MAP4: variants seen among roughly 807,000 people sequenced by gnomAD.
The protein encoded by MAP4 is microtubule associated protein 4, also known as microtubule-associated protein 4.
MAP4 carries 76 observed loss-of-function variants against 170.2 expected under a neutral mutation model. The ratio of observed to expected loss-of-function variants is 0.45; its 90% CI spans 0.37 to 0.54. The LOEUF (loss-of-function observed/expected upper bound fraction) is 0.54. Ranked by LOEUF, MAP4 falls within the 20% of genes least tolerant of loss-of-function variation. The pLI is 0.00. For synonymous variants in MAP4, 909 were observed against 994.5 expected (o/e 0.91, Z 1.62); for missense variants, 2,506 against 2,748.0 (o/e 0.91, Z 1.97).
intron 1 of MAP4, among the ~76,000 whole-genome samples, chr3:48,057,319 T>G (rs1481529968): frequency 1.5e-5 from 2 of 134,874 alleles, no homozygotes; most frequent in African/African-American, 2.8e-5. Flanking sequence ...CCCCCAACCC[T>G]GTGCTCTCTG....
chr3:47,880,316 G>T (rs1381474277), intron 10 of MAP4, among the ~76,000 whole-genome samples: 1 of 136,196 alleles, frequency 7.3e-6, no homozygotes, highest in African/African-American at 2.8e-5. Context: ...CACCATGTTA[G>T]CCAGGATGGT....
intron 10 of MAP4, among the ~76,000 whole-genome samples, chr3:47,889,321 A>AAG (rs1325498243): frequency 6.6e-6 from 1 of 152,206 alleles, no homozygotes; most frequent in African/African-American, 2.4e-5. Flanking sequence ...CCTTGCCTGG[A>AAG]AGGCTTTCCC....
intron 1 of MAP4, among the ~76,000 whole-genome samples, chr3:48,058,857 G>A (rs2154556408): frequency 6.6e-6 from 1 of 152,234 alleles, no homozygotes; most frequent in Non-Finnish European, 1.5e-5. Flanking sequence ...TCGGCTCACT[G>A]CAACCTCCAC....
intron 5 of MAP4, among the ~76,000 whole-genome samples, chr3:47,920,195 T>C (rs1299369743): frequency 6.6e-6 from 1 of 152,216 alleles, no homozygotes; most frequent in Non-Finnish European, 1.5e-5. Context: ...GGTCTCGAAC[T>C]CCTGACCTCA....
rs549230371 is a variant in MAP4 at position 47,985,551 on chromosome 3, T to C, written c.224-7618A>G. Among the ~76,000 whole-genome samples, 15 of 152,328 alleles carry C rather than the reference T, an allele frequency of 9.8e-5. No homozygotes were observed. In the Middle Eastern group the frequency reaches 0.017, roughly 173 times the overall value. Reference sequence around the variant, plus strand: ...CCAATAATGTGATTTAGTGACATCATGTGCTTCCTGATGTGGTGCACTTAG... The same window carrying C: ...CCAATAATGTGATTTAGTGACATCACGTGCTTCCTGATGTGGTGCACTTAG... On this transcript the variant is annotated intron_variant, in intron 2 of 20. Transcript: ENST00000683076.
intron 17 of MAP4, among the ~76,000 whole-genome samples, chr3:47,862,562 C>G (rs572619486): frequency 1.6e-4 from 24 of 152,184 alleles, no homozygotes; most frequent in African/African-American, 5.8e-4. Flanking sequence ...ACTGCAACCT[C>G]TGCCTCCCGG....
At chr3:47,959,162 A>T (rs1046126970) in intron 3 of MAP4, among the ~76,000 whole-genome samples, 2 of 152,162 alleles carry the variant, frequency 1.3e-5, no homozygotes, top group African/African-American at 2.4e-5. Flanking sequence ...AAGCACTTTT[A>T]AAAATGTATA....
At position 47,860,927 on chromosome 3, in the gene MAP4, TA is replaced by T. The variant is rs567357443; in HGVS notation, c.6502-3416del. ...GCTTACCCATCAAGGAAATTACCAG[TA>T]AAAAAAAGAATGAGCCAGGCACAGT... On this transcript the variant is annotated intron_variant, in intron 17 of 20. Transcript: ENST00000683076. Among the ~76,000 whole-genome samples, 122 of 151,950 alleles carry T rather than the reference TA, an allele frequency of 8.0e-4. 3 individuals carry two copies. In the South Asian group the frequency reaches 0.024, roughly 30 times the overall value.
chr3:47,941,152 T>C (rs1295346469), intron 3 of MAP4, among the ~76,000 whole-genome samples: 4 of 134,184 alleles, frequency 3.0e-5, no homozygotes, highest in Admixed American at 9.0e-5. Context: ...GTCCTGGGAT[T>C]ACAGCGCCTG....
At chr3:48,017,718 C>A (rs192769901), upstream of MAP4, among the ~76,000 whole-genome samples, 4 of 152,158 alleles carry the variant, frequency 2.6e-5, no homozygotes, top group African/African-American at 7.2e-5. Flanking sequence ...GTCTTGAAAT[C>A]AAGGTCCACA....
chr3:47,885,224 T>C (rs1434944953), intron 10 of MAP4, among the ~76,000 whole-genome samples: 1 of 152,154 alleles, frequency 6.6e-6, no homozygotes, highest in African/African-American at 2.4e-5. Flanking sequence ...CAGGGATATG[T>C]AGGAGACAAA....
chr3:48,048,482 C>G (rs573676980), intron 1 of MAP4, among the ~76,000 whole-genome samples: 1 of 148,284 alleles, frequency 6.7e-6, no homozygotes, highest in East Asian at 2.0e-4. Flanking sequence ...ACTTTATCAT[C>G]AGGTAGATCC....
chr3:47,857,450 A>G lies in MAP4; in HGVS notation c.6564T>C (p.Ala2188=). ...ACTCACCAGGCTTGTGCTTGATGTT[A>G]GCCTTAGACCCACACTTGGAGGAGA... ...SKVSSKCGSK[A]NIKHKPGGGD... Residue 2188 remains alanine, a synonymous_variant, in exon 18 of 21, where the codon GCT becomes GCC. Coordinates refer to ENST00000683076, the MANE Select transcript of MAP4 (RefSeq NM_001385682.1). 6.2e-7 allele frequency: 1 copy of G among 1,614,076 alleles called. No individual in the cohort carries two copies. The highest frequency in any genetic ancestry group is 8.5e-7 in the Non-Finnish European group (1 of 1,179,964).
At position 47,952,669 on chromosome 3, in the gene MAP4, T is replaced by A. The variant is rs191483626; in HGVS notation, c.293-24319A>T. Reference sequence around the variant, plus strand: ...ATAAATAAATAAATTAAAAAAAAAATAAAAATAAAAATAAAAATAAAAAAT... The same window carrying A: ...ATAAATAAATAAATTAAAAAAAAAAAAAAAATAAAAATAAAAATAAAAAAT... On this transcript the variant is annotated intron_variant, in intron 3 of 20. Transcript: ENST00000683076. 2.0e-3 allele frequency among the ~76,000 whole-genome samples: 297 copies of A among 149,732 alleles called. 1 individual carries two copies. Among genetic ancestry groups the A allele is most frequent in the African/African-American group, 3.5e-3 (144 of 40,940 alleles).
At chr3:47,959,823 G>A (rs531342438) in intron 3 of MAP4, among the ~76,000 whole-genome samples, 43 of 151,714 alleles carry the variant, frequency 2.8e-4, no homozygotes, top group African/African-American at 9.4e-4. Flanking sequence ...TAAATGTAGC[G>A]CTGTAAGATA....
chr3:47,873,797 T>C (rs1476447564), intron 12 of MAP4, among the ~76,000 whole-genome samples: 1 of 152,204 alleles, frequency 6.6e-6, no homozygotes, highest in Non-Finnish European at 1.5e-5. Context: ...TCTTATTATT[T>C]TGCCATGAGG....
At chr3:47,942,013 T>C (rs1350490940) in intron 3 of MAP4, among the ~76,000 whole-genome samples, 1 of 152,200 alleles carries the variant, frequency 6.6e-6, no homozygotes, top group African/African-American at 2.4e-5. Context: ...GTCTCTAAAC[T>C]CCTTTACAGT....
chr3:48,073,283 ACACACAC>A (rs1360984271), intron 1 of MAP4, among the ~76,000 whole-genome samples: 2 of 150,580 alleles, frequency 1.3e-5, no homozygotes, highest in African/African-American at 4.9e-5. Flanking sequence ...ACACACACAC[ACACACAC>A]ACACACACAC....
At chr3:48,012,691 C>A (rs773249838) in intron 1 of MAP4, among the ~76,000 whole-genome samples, 4 of 152,060 alleles carry the variant, frequency 2.6e-5, no homozygotes, top group Non-Finnish European at 5.9e-5. Flanking sequence ...CAGATGACTT[C>A]CTGGGCTGCA....
Sources: gnomAD v4.1 joint callset for allele counts (sites outside exome capture counted in the v4.1 genomes callset) on GRCh38, gnomAD v4.1.1 for gene constraint, MANE v1.5 for transcripts, NCBI Gene and HGNC (gene_info 2026-07-23, HGNC 2026-07-21) for gene names.